The following CDKN2B-AS1 variants were observed in gnomAD, a reference collection of about 807,000 sequenced individuals.
The protein encoded by CDKN2B-AS1 is CDKN2B and CDKN2A antisense cis and trans regulatory RNA 1, also known as CDKN2B antisense RNA 1 (non-protein coding).
chr9:22,008,707 C>A, intron 1 of CDKN2B-AS1: 1 of 1,611,482 alleles, frequency 6.2e-7, no homozygotes, highest in Non-Finnish European at 8.5e-7. Flanking sequence ...TACAAATCTA[C>A]ATCGGCGATC....
In CDKN2B-AS1 at chr9:22,098,745, A is replaced by G. The variant is rs78372026; in HGVS notation, n.439-28358A>G. ...AACATTAACTGGCCAAACTAAGATC[A>G]GAGAGTTAGAAATGTCAGAGCCCAG... On this transcript the variant is annotated intron_variant and non_coding_transcript_variant, in intron 4 of 4. Coordinates refer to ENST00000650946, the Ensembl canonical transcript of CDKN2B-AS1. 4.0e-3 allele frequency among the ~76,000 whole-genome samples: 615 copies of G among 152,324 alleles called. 6 individuals are homozygous for G. The highest frequency in any genetic ancestry group is 0.014 in the African/African-American group (577 of 41,566).
At chr9:22,107,351 G>A (rs1468174368) in intron 4 of CDKN2B-AS1, among the ~76,000 whole-genome samples, 2 of 152,306 alleles carry the variant, frequency 1.3e-5, no homozygotes, top group African/African-American at 4.8e-5. Flanking sequence ...TCTAAGTGGA[G>A]AAAGAAAACA....
rs372909056 is a variant in CDKN2B-AS1, at chr9:22,036,167, G to A, written n.30-10584G>A. Among the ~76,000 whole-genome samples, 161 of 152,114 alleles carry A rather than the reference G, an allele frequency of 1.1e-3. 6 individuals carry two copies. The South Asian group carries it at 0.033, about 31-fold the overall frequency. ...CAGGGAATCCATTTAATAATAAAAC[G>A]TGGGTCAAAATTCACTTTTCTCCTT... is the stretch of plus-strand genomic sequence containing the variant. On this transcript the variant is annotated intron_variant and non_coding_transcript_variant, in intron 1 of 4. Coordinates refer to ENST00000650946, the Ensembl canonical transcript of CDKN2B-AS1.
intron 4 of CDKN2B-AS1, chr9:22,058,479 C>G (rs1421827638): frequency 6.6e-6 from 1 of 152,240 alleles, no homozygotes; most frequent in African/African-American, 2.4e-5. Flanking sequence ...GAACACTATT[C>G]TGTTGCCATT....
chr9:22,017,181 C>G (rs976671975), intron 1 of CDKN2B-AS1, among the ~76,000 whole-genome samples: 1 of 152,160 alleles, frequency 6.6e-6, no homozygotes, highest in East Asian at 1.9e-4. Context: ...AATCCCAGCA[C>G]TTTGGGAGGC....
intron 1 of CDKN2B-AS1, among the ~76,000 whole-genome samples, chr9:22,013,090 C>T (rs964872629): frequency 3.3e-5 from 5 of 152,194 alleles, no homozygotes; most frequent in African/African-American, 1.2e-4. Flanking sequence ...ATAGTCATCC[C>T]TCTGTGCACA....
At chr9:22,049,490 C>T (rs943159205) in intron 3 of CDKN2B-AS1, among the ~76,000 whole-genome samples, 2 of 152,164 alleles carry the variant, frequency 1.3e-5, no homozygotes, top group African/African-American at 4.8e-5. Context: ...ACTCTCTGCA[C>T]ACTGCATCCT....
chr9:22,046,003 G>A (rs918058239), intron 1 of CDKN2B-AS1, among the ~76,000 whole-genome samples: 1 of 152,016 alleles, frequency 6.6e-6, no homozygotes, highest in African/African-American at 2.4e-5. Flanking sequence ...GTTTGCACTG[G>A]ACTTAGAATA....
intron 4 of CDKN2B-AS1, among the ~76,000 whole-genome samples, chr9:22,085,805 C>G (rs1824852374): frequency 6.6e-6 from 1 of 151,636 alleles, no homozygotes; most frequent in South Asian, 2.1e-4. Context: ...CCTCCTTTCT[C>G]TGACCATGTC....
At chr9:22,123,699 T>G (rs1826139733) in intron 4 of CDKN2B-AS1, among the ~76,000 whole-genome samples, 1 of 151,768 alleles carries the variant, frequency 6.6e-6, no homozygotes, top group Non-Finnish European at 1.5e-5. Flanking sequence ...AAGTGAGGGC[T>G]TACTTTTCAT....
intron 1 of CDKN2B-AS1, among the ~76,000 whole-genome samples, chr9:22,002,367 T>C (rs1820957096): frequency 6.6e-6 from 1 of 152,070 alleles, no homozygotes; most frequent in South Asian, 2.1e-4. Flanking sequence ...GTATTGAACA[T>C]TGTAAAAATT....
chr9:22,030,716 G>T (rs1221864509), intron 1 of CDKN2B-AS1: 1 of 151,468 alleles, frequency 6.6e-6, no homozygotes, highest in Non-Finnish European at 1.5e-5. Flanking sequence ...CCTCATTACA[G>T]GATATAATAA....
intron 4 of CDKN2B-AS1, among the ~76,000 whole-genome samples, chr9:22,124,933 A>C (rs1188983067): frequency 6.6e-6 from 1 of 152,256 alleles, no homozygotes; most frequent in Non-Finnish European, 1.5e-5. Context: ...GACCTTGGGA[A>C]ACTCTTCACA....
chr9:22,032,476 G>A (rs1225601150), intron 1 of CDKN2B-AS1, among the ~76,000 whole-genome samples: 1 of 152,154 alleles, frequency 6.6e-6, no homozygotes, highest in Non-Finnish European at 1.5e-5. Flanking sequence ...GTGCTGCCTA[G>A]GGCTTCATGC....
chr9:22,006,080 C>T lies in CDKN2B-AS1; in HGVS notation n.29+10919C>T, dbSNP rs1009302274. 1.2e-6 allele frequency: 2 copies of T among 1,607,300 alleles called. No homozygotes were observed. The highest frequency in any genetic ancestry group is 1.7e-5 in the Admixed American group (1 of 59,984). On this transcript the variant is annotated intron_variant and non_coding_transcript_variant, in intron 1 of 4. Coordinates refer to ENST00000650946, the Ensembl canonical transcript of CDKN2B-AS1. This position sits in a 1 kb window ranked among gnomAD's most constrained non-coding sequence, Gnocchi z 6.4. ...CGGGCAGACGACCCCAGGCATCGCG[C>T]ACGTCCAGCCGCGCCCCGGCCCGGT...
intron 4 of CDKN2B-AS1, among the ~76,000 whole-genome samples, chr9:22,093,636 G>A (rs898009298): frequency 5.8e-5 from 8 of 138,634 alleles, no homozygotes; most frequent in Admixed American, 4.9e-4. Flanking sequence ...GACTAGGATT[G>A]CAACCCCTGC....
chr9:22,099,261 G>A (rs1174130326), intron 4 of CDKN2B-AS1, among the ~76,000 whole-genome samples: 6 of 152,190 alleles, frequency 3.9e-5, no homozygotes. Flanking sequence ...AGAGAGAAAG[G>A]AGGCCGGAAA....
At chr9:22,094,976 A>G (rs929763890) in intron 4 of CDKN2B-AS1, among the ~76,000 whole-genome samples, 2 of 144,498 alleles carry the variant, frequency 1.4e-5, no homozygotes, top group Non-Finnish European at 2.9e-5. Context: ...ATGGTGACGT[A>G]CAGATGGGGT....
At chr9:22,090,995 A>G (rs1275649200) in intron 4 of CDKN2B-AS1, among the ~76,000 whole-genome samples, 3 of 152,102 alleles carry the variant, frequency 2.0e-5, no homozygotes, top group Non-Finnish European at 2.9e-5. Context: ...TCTTGAACTA[A>G]TTTTTGTATA....
Sources: gnomAD v4.1 joint callset for allele counts (sites outside exome capture counted in the v4.1 genomes callset) on GRCh38, gnomAD v4.1.1 for gene constraint, Gnocchi (gnomAD v3.1) non-coding constraint, MANE v1.5 for transcripts, NCBI Gene and HGNC (gene_info 2026-07-23, HGNC 2026-07-21) for gene names.